ZC3H7A: variants seen among roughly 807,000 people sequenced by gnomAD.
ZC3H7A encodes the protein zinc finger CCCH-type containing 7A.
In ZC3H7A, 44 loss-of-function variants were observed where a neutral mutation model predicts 125.5. The ratio of observed to expected loss-of-function variants is 0.35; its 90% CI spans 0.28 to 0.45. The LOEUF (loss-of-function observed/expected upper bound fraction) is 0.45, where lower values mean the gene tolerates loss of function less well. ZC3H7A is among the 20% of genes least tolerant of loss of function. The probability of loss-of-function intolerance (pLI) is 1.00; values close to 1 mark genes in which losing one functional copy is unlikely to be tolerated. For synonymous variants in ZC3H7A, 399 were observed against 391.2 expected, an observed-to-expected ratio of 1.02 and a Z score of -0.23; for missense variants, 977 against 1,170.7, an observed-to-expected ratio of 0.83 and a Z score of 2.41.
At position 11,783,985 on chromosome 16, in the gene ZC3H7A, G is replaced by C. The variant is rs542968306; in HGVS notation, c.-34-1597C>G. ...AATACTCCAGTAACAACAAAAAAGG[G>C]GGGGGCTGTGAGGTGGGGAGGAAAC... On this transcript the variant is annotated intron_variant, in intron 1 of 22. Coordinates refer to ENST00000355758, the MANE Select transcript of ZC3H7A (RefSeq NM_014153.4). 1.6e-4 allele frequency among the ~76,000 whole-genome samples: 22 copies of C among 137,370 alleles called. No homozygotes were observed. In the South Asian group the frequency reaches 3.4e-3, roughly 21 times the overall value. 90.1% of individuals were successfully genotyped at this position (137,370 alleles called of 152,430 possible).
chr16:11,785,503 C>G (rs1362108448), intron 1 of ZC3H7A, among the ~76,000 whole-genome samples: 5 of 150,984 alleles, frequency 3.3e-5, no homozygotes, highest in African/African-American at 1.2e-4. Context: ...GAGACCCTGT[C>G]TCAAAAATAA....
Position 11,768,514 on chromosome 16 carries a change from T to TAAAA in ZC3H7A, c.1174-14_1174-13insTTTT, listed in dbSNP as rs771641863. On this transcript the variant is annotated splice_polypyrimidine_tract_variant and intron_variant, in intron 11 of 22. Coordinates refer to ENST00000355758, the MANE Select transcript of ZC3H7A (RefSeq NM_014153.4). ...CTGGTCCATTCATCTGCAAGAAAAATAAGAAGAAAAAAAAAAAAAACAGCC... is the reference window on the plus strand; with the variant it reads ...CTGGTCCATTCATCTGCAAGAAAAATAAAAAAGAAGAAAAAAAAAAAAAACAGCC... 5.3e-6 allele frequency: 6 copies of TAAAA among 1,142,348 alleles called. No homozygotes were observed. The highest frequency in any genetic ancestry group is 3.8e-5 in the South Asian group (1 of 26,234). The allele number at this position is 1,142,348 out of a possible 1,614,324, so 70.8% of individuals were successfully genotyped here. A position where few individuals can be genotyped will look rare whatever the true frequency, so the allele number is the denominator to read the frequency against.
At chr16:11,755,490 A>G (rs1036098911) in intron 21 of ZC3H7A, among the ~76,000 whole-genome samples, 2 of 152,208 alleles carry the variant, frequency 1.3e-5, no homozygotes, top group Non-Finnish European at 2.9e-5. Context: ...AATGTCCCCA[A>G]GAACCATAGA....
chr16:11,756,478 A>AG, intron 20 of ZC3H7A, 108 bp from the exon 21 acceptor site: 1 of 1,360,320 alleles, frequency 7.4e-7, no homozygotes, highest in Middle Eastern at 2.6e-4. Flanking sequence ...AAGAAACTCA[A>AG]GGGGGCTGAA....
intron 1 of ZC3H7A, among the ~76,000 whole-genome samples, chr16:11,785,777 GC>G (rs1180642429): frequency 1.3e-5 from 2 of 152,166 alleles, no homozygotes; most frequent in Middle Eastern, 3.4e-3. Context: ...CCGCCACCAC[GC>G]CCGGCTACTT....
At chr16:11,753,082 G>A (rs1409764351) in intron 21 of ZC3H7A, 1 of 428,606 alleles carries the variant, frequency 2.3e-6, no homozygotes, top group African/African-American at 2.0e-5. Context: ...TGCAAACAAG[G>A]ATGTTTGCTG....
intron 1 of ZC3H7A, among the ~76,000 whole-genome samples, chr16:11,785,576 A>G (rs1214528373): frequency 7.1e-6 from 1 of 140,086 alleles, no homozygotes; most frequent in Non-Finnish European, 1.6e-5. Flanking sequence ...AAATTATAGG[A>G]AAAAAAAAAA....
At chr16:11,789,156 G>A (rs1444662604) in intron 1 of ZC3H7A, among the ~76,000 whole-genome samples, 1 of 152,210 alleles carries the variant, frequency 6.6e-6, no homozygotes, top group Non-Finnish European at 1.5e-5. Flanking sequence ...ATTGAAGGAA[G>A]AGGGGGTGAA....
intron 21 of ZC3H7A, among the ~76,000 whole-genome samples, chr16:11,754,339 A>T (rs1318572258): frequency 2.5e-4 from 37 of 147,860 alleles, no homozygotes; most frequent in African/African-American, 9.1e-4. Flanking sequence ...TATATATATA[A>T]TAAAATAAAC....
intron 8 of ZC3H7A, 56 bp from the exon 9 acceptor site, chr16:11,774,575 C>A: frequency 6.9e-7 from 1 of 1,440,170 alleles, no homozygotes; most frequent in Non-Finnish European, 9.2e-7. Flanking sequence ...CATAATAATA[C>A]CATTAATCCC....
chr16:11,784,064 C>A (rs1394445445), intron 1 of ZC3H7A, among the ~76,000 whole-genome samples: 1 of 152,096 alleles, frequency 6.6e-6, no homozygotes, highest in African/African-American at 2.4e-5. Context: ...TTCTTCAGTA[C>A]TATTCTCTGG....
At chr16:11,757,800 G>A (rs923378889) in intron 20 of ZC3H7A, among the ~76,000 whole-genome samples, 11 of 152,144 alleles carry the variant, frequency 7.2e-5, no homozygotes, top group African/African-American at 2.7e-4. Context: ...GTTGAAACAT[G>A]GCAGGCAACA....
rs1249925536 is a variant in ZC3H7A at position 11,779,248 on chromosome 16, T to A, written c.224A>T (p.Tyr75Phe). The stretch of plus-strand genomic sequence containing the variant: ...GATTAAAATTTCTTCAGATTTTGCA[T>A]AATCAGCTATATTCAAGGCTTCCGT... ...QYTEALNIAD[Y>F]AKSEEILIPK... is the part of the protein sequence containing the mutation. The change falls in exon 4 of 23, where the codon TAT (tyrosine) becomes TTT (phenylalanine). Residue 75 changes from tyrosine (Y) to phenylalanine (F), a missense_variant. Tyr to Phe is a conservative substitution (Grantham distance 22). Transcript: ENST00000355758. 7.4e-6 allele frequency: 12 copies of A among 1,613,536 alleles called. No individual in the cohort carries two copies. The highest frequency in any genetic ancestry group is 1.0e-5 in the Non-Finnish European group (12 of 1,179,750).
chr16:11,769,553 CA>C (rs1322387989), intron 10 of ZC3H7A, among the ~76,000 whole-genome samples: 1 of 149,994 alleles, frequency 6.7e-6, no homozygotes. Flanking sequence ...ACTGAAAATA[CA>C]AAAAAAATTT....
chr16:11,770,907 G>C lies in ZC3H7A; in HGVS notation c.984C>G (p.Thr328=). ...SMPFSASLLG[T]LPIGARYAPP... ...GAGCATACCTCGCACCAATGGGTAA[G>C]GTTCCTAACAGCGATGCCGAAAAGG... Residue 328 remains threonine, a synonymous_variant, in exon 10 of 23, where the codon ACC becomes ACG. Transcript: ENST00000355758. The C allele has an allele frequency of 1.9e-6, 3 of 1,614,158 alleles. No individual in the cohort carries two copies. In the African/African-American group the frequency reaches 4.0e-5, roughly 22 times the overall value.
intron 13 of ZC3H7A, among the ~76,000 whole-genome samples, chr16:11,766,574 G>C (rs558860239): frequency 6.7e-6 from 1 of 150,144 alleles, no homozygotes; most frequent in South Asian, 2.1e-4. Flanking sequence ...ACAAAAAATT[G>C]AGAAATAAAT....
chr16:11,781,552 T>C (rs2053173572), intron 2 of ZC3H7A, 88 bp from the exon 3 acceptor site: 2 of 1,386,050 alleles, frequency 1.4e-6, no homozygotes, highest in East Asian at 2.3e-5. Context: ...TGTGGTTCCA[T>C]TAGCTTGCCA....
At chr16:11,796,117 G>C (rs1308705785) in intron 1 of ZC3H7A, 2 of 152,276 alleles carry the variant, frequency 1.3e-5, no homozygotes, top group Non-Finnish European at 2.9e-5. Context: ...ACAGGCATGA[G>C]CCACTGCATC....
At chr16:11,773,266 A>C (rs1283616305) in intron 9 of ZC3H7A, among the ~76,000 whole-genome samples, 1 of 151,740 alleles carries the variant, frequency 6.6e-6, no homozygotes, top group African/African-American at 2.4e-5. Flanking sequence ...TGCAGCCTCA[A>C]CCTCCTGGGC....
Sources: allele counts gnomAD v4.1 joint callset (sites outside exome capture counted in the v4.1 genomes callset), GRCh38; gene constraint gnomAD v4.1.1; transcripts MANE v1.5; gene names NCBI Gene and HGNC (gene_info 2026-07-23, HGNC 2026-07-21).